Variants in PLXNA4 observed in about 807,000 individuals in gnomAD.
The protein encoded by PLXNA4 is plexin A4.
Under a neutral mutation model 191.8 loss-of-function variants are expected in PLXNA4, and 44 were observed. The observed-to-expected ratio is 0.23, with a 90% CI of 0.18 to 0.29. PLXNA4 has a LOEUF of 0.29. PLXNA4 is among the 10% of genes least tolerant of loss of function. The pLI, the probability that PLXNA4 is intolerant of heterozygous loss-of-function variation, is 1.00. For missense variants in PLXNA4, 1,800 were observed against 2,488.8 expected, an observed-to-expected ratio of 0.72 and a Z score of 5.89; for synonymous variants, 1,082 against 1,009.5, an observed-to-expected ratio of 1.07 and a Z score of -1.36.
At chr7:132,468,732 ACG>A (rs200892408) in intron 3 of PLXNA4, among the ~76,000 whole-genome samples, 3 of 146,898 alleles carry the variant, frequency 2.0e-5, no homozygotes, top group African/African-American at 8.0e-5. Flanking sequence ...CAATATGCAC[ACG>A]CACACACACA....
At chr7:132,231,597 A>AT (rs1459494128) in intron 5 of PLXNA4, among the ~76,000 whole-genome samples, 3 of 151,890 alleles carry the variant, frequency 2.0e-5, no homozygotes, top group Non-Finnish European at 4.4e-5. Context: ...ACTAACTTGT[A>AT]TTTTTTTGGT....
intron 3 of PLXNA4, among the ~76,000 whole-genome samples, chr7:132,403,793 C>T (rs1482000201): frequency 1.3e-5 from 2 of 152,070 alleles, no homozygotes; most frequent in Middle Eastern, 3.2e-3. Context: ...GGGCTTACTT[C>T]GGGGACAGGA....
At chr7:132,336,329 C>T (rs1272246800) in intron 3 of PLXNA4, among the ~76,000 whole-genome samples, 1 of 152,214 alleles carries the variant, frequency 6.6e-6, no homozygotes, top group Non-Finnish European at 1.5e-5. Flanking sequence ...AGGTGCTGAG[C>T]ATCTGATCCA....
chr7:132,230,754 T>C (rs1188446573), intron 5 of PLXNA4, among the ~76,000 whole-genome samples: 1 of 152,256 alleles, frequency 6.6e-6, no homozygotes, highest in Non-Finnish European at 1.5e-5. Context: ...TGGTACGGGC[T>C]TAAATTATTC....
intron 3 of PLXNA4, among the ~76,000 whole-genome samples, chr7:132,469,622 T>C (rs1190439419): frequency 6.6e-6 from 1 of 152,226 alleles, no homozygotes; most frequent in Non-Finnish European, 1.5e-5. Context: ...GCAGAGAACA[T>C]GTCCTTCCAG....
rs201345033 is a variant in PLXNA4, at chr7:132,181,661, C to T, written c.3253-41G>A. 6 of 1,605,184 alleles carry T rather than the reference C, an allele frequency of 3.7e-6. No homozygotes were observed. In the African/African-American group the frequency reaches 4.0e-5, roughly 11 times the overall value. ...CAGAGTGGAGTCTATGCAGTATCTC[C>T]ACATACCCACAGCCCCAGTGCACAT... On this transcript the variant is annotated intron_variant, in intron 17 of 31. Transcript: ENST00000321063.
Position 132,553,157 on chromosome 7 carries a change from C to T in PLXNA4, c.-87+23265G>A, listed in dbSNP as rs556289056. On this transcript the variant is annotated intron_variant, in intron 1 of 31. Coordinates refer to ENST00000321063, the MANE Select transcript of PLXNA4 (RefSeq NM_020911.2). The stretch of plus-strand genomic sequence containing the variant: ...CATCCACACATGGATGATCTAGAAG[C>T]CTTGCAGATGCGTCCTGAGATATGT... 3.3e-5 allele frequency among the ~76,000 whole-genome samples: 5 copies of T among 152,278 alleles called. No homozygotes were observed. The South Asian group carries it at 1.0e-3, about 32-fold the overall frequency.
intron 2 of PLXNA4, among the ~76,000 whole-genome samples, chr7:132,602,892 C>G (rs1042153797): frequency 1.3e-5 from 2 of 151,678 alleles, no homozygotes; most frequent in Non-Finnish European, 2.9e-5. Flanking sequence ...CTAATGCCAT[C>G]GGGAAGTGTT....
At chr7:132,548,505 G>A (rs1800406048) in intron 1 of PLXNA4, among the ~76,000 whole-genome samples, 1 of 152,310 alleles carries the variant, frequency 6.6e-6, no homozygotes, top group East Asian at 1.9e-4. Flanking sequence ...TGAGTTCTCT[G>A]TTCCTAGCCC....
chr7:132,168,524 C>T lies in PLXNA4; in HGVS notation c.4066G>A (p.Ala1356Thr), dbSNP rs140960582. 6.0e-4 allele frequency: 973 copies of T among 1,610,126 alleles called. 5 individuals are homozygous for T. The African/African-American group carries it at 0.011, about 18-fold the overall frequency. ...ERVEKGLKLFAQLINNKVFLL... is the reference protein window; with the variant it reads ...ERVEKGLKLFTQLINNKVFLL... The stretch of plus-strand genomic sequence containing the variant: ...AACACCTTGTTGTTGATGAGCTGGG[C>T]GAAGAGCTTCAGGCCTTTCTCCACA... The change falls in exon 22 of 32, where the codon GCC becomes ACC. Residue 1356 changes from alanine (A) to threonine (T), a missense_variant. Physicochemically the swap from Ala to Thr is moderately conservative, Grantham distance 58. Coordinates refer to ENST00000321063, the MANE Select transcript of PLXNA4 (RefSeq NM_020911.2).
At chr7:132,577,980 T>G (rs542978057), upstream of PLXNA4, among the ~76,000 whole-genome samples, 2 of 152,134 alleles carry the variant, frequency 1.3e-5, no homozygotes, top group African/African-American at 4.8e-5. Flanking sequence ...TTTCCATTCA[T>G]GTTTATACTG....
At chr7:132,533,161 C>A (rs1799692694) in intron 1 of PLXNA4, among the ~76,000 whole-genome samples, 1 of 152,196 alleles carries the variant, frequency 6.6e-6, no homozygotes, top group South Asian at 2.1e-4. Flanking sequence ...CCCTTTGCAG[C>A]TAAGGAAACC....
At chr7:132,270,179 C>A (rs1294771443) in intron 4 of PLXNA4, among the ~76,000 whole-genome samples, 1 of 152,134 alleles carries the variant, frequency 6.6e-6, no homozygotes, top group East Asian at 1.9e-4. Flanking sequence ...TTATTAATTT[C>A]CATACCACGT....
intron 2 of PLXNA4, among the ~76,000 whole-genome samples, chr7:132,612,987 GA>G (rs924361526): frequency 5.4e-5 from 8 of 147,138 alleles, no homozygotes; most frequent in South Asian, 2.2e-4. Context: ...AACACTATGA[GA>G]AAAAAAAAAC....
chr7:132,189,901 C>A (rs1320767809), intron 14 of PLXNA4, among the ~76,000 whole-genome samples: 1 of 133,142 alleles, frequency 7.5e-6, no homozygotes, highest in African/African-American at 3.5e-5. Flanking sequence ...GACTGGTGTC[C>A]CTAGCACTAT....
intron 21 of PLXNA4, among the ~76,000 whole-genome samples, chr7:132,172,758 TATAATA>T (rs10651247): frequency 2.8e-4 from 41 of 149,016 alleles, no homozygotes; most frequent in Admixed American, 1.8e-3. Flanking sequence ...AAACTTAAAG[TATAATA>T]ATAATAATAA....
At chr7:132,302,018 C>G (rs1190005389) in intron 3 of PLXNA4, among the ~76,000 whole-genome samples, 2 of 152,180 alleles carry the variant, frequency 1.3e-5, no homozygotes, top group Non-Finnish European at 2.9e-5. Context: ...GTGCTTGTCT[C>G]TTAGCTATTT....
intron 13 of PLXNA4, among the ~76,000 whole-genome samples, chr7:132,198,248 C>G (rs1049778143): frequency 6.6e-6 from 1 of 152,338 alleles, no homozygotes; most frequent in East Asian, 1.9e-4. Flanking sequence ...GTAACAGTCA[C>G]CTTTCTCTCT....
intron 4 of PLXNA4, among the ~76,000 whole-genome samples, chr7:132,254,128 A>T (rs2117093986): frequency 6.6e-6 from 1 of 152,276 alleles, no homozygotes; most frequent in South Asian, 2.1e-4. Context: ...AGGCTGGAAA[A>T]ATCTCCAGGA....
Sources: allele counts gnomAD v4.1 joint callset (sites outside exome capture counted in the v4.1 genomes callset), GRCh38; gene constraint gnomAD v4.1.1; transcripts MANE v1.5; gene names NCBI Gene and HGNC (gene_info 2026-07-23, HGNC 2026-07-21).